ACAP3: variants seen among roughly 807,000 people sequenced by gnomAD.
ACAP3 encodes the protein arf-GAP with coiled-coil, ANK repeat and PH domain-containing protein 3.
In ACAP3, 56 loss-of-function variants were observed where a neutral mutation model predicts 104.1. The ratio of observed to expected loss-of-function variants is 0.54; its 90% confidence interval spans 0.43 to 0.67. ACAP3 has a LOEUF of 0.67. Ranked by LOEUF, ACAP3 falls within the 30% of genes least tolerant of loss-of-function variation. ACAP3 has a pLI of 0.00. For synonymous variants in ACAP3, 628 were observed against 496.2 expected, an observed-to-expected ratio of 1.27 and a Z score of -3.53; for missense variants, 1,208 against 1,174.9, an observed-to-expected ratio of 1.03 and a Z score of -0.41.
chr1:1,304,804 T>A (rs1360557895), intron 1 of ACAP3: 1 of 152,422 alleles, frequency 6.6e-6, no homozygotes, highest in East Asian at 1.9e-4. Flanking sequence ...AGGCATGACA[T>A]CACCAGAGAA....
Position 1,297,940 on chromosome 1 carries a change from G to T in ACAP3, c.1017-7C>A, listed in dbSNP as rs1641265248. On this transcript the variant is annotated splice_region_variant and splice_polypyrimidine_tract_variant and intron_variant, in intron 13 of 23. Coordinates refer to ENST00000354700, the MANE Select transcript of ACAP3 (RefSeq NM_030649.3). The stretch of plus-strand genomic sequence containing the variant: ...AGCCTGCAGCATGCAGCTCCTGCAG[G>T]CAGTGGAGGGGCGGGCGTCAGCTCC... The T allele has an allele frequency of 6.2e-7, 1 of 1,611,606 alleles. No individual in the cohort carries two copies. Among genetic ancestry groups the T allele is most frequent in the Non-Finnish European group, 8.5e-7 (1 of 1,179,282 alleles).
chr1:1,298,595 C>T lies in ACAP3; in HGVS notation c.835G>A (p.Ala279Thr), dbSNP rs754841658. ...VVMEGYLFKR[A>T]SNAFKTWNRR... ...TTCCATGTCTTGAAAGCGTTGCTGG[C>T]CCTCTTGAAGAGGTAGCCCTCCATC... The change falls in exon 11 of 24, where the codon GCC (alanine) becomes ACC (threonine). Residue 279 changes from alanine to threonine, a missense_variant. By Grantham distance (58) the Ala-to-Thr change is moderately conservative. Coordinates refer to ENST00000354700, the MANE Select transcript of ACAP3 (RefSeq NM_030649.3). 10 of 1,602,294 alleles carry T rather than the reference C, an allele frequency of 6.2e-6. No homozygotes were observed. Among genetic ancestry groups the T allele is most frequent in the South Asian group, 2.2e-5 (2 of 90,816 alleles).
At chr1:1,295,596 G>A in intron 18 of ACAP3, 42 bp from the exon 19 acceptor site, 2 of 1,595,544 alleles carry the variant, frequency 1.3e-6, no homozygotes, top group Non-Finnish European at 1.7e-6. Context: ...ACAGGCCCGG[G>A]GTGGGGCAGG....
intron 9 of ACAP3, 66 bp from the exon 10 acceptor site, chr1:1,299,422 T>G: frequency 6.8e-7 from 1 of 1,465,464 alleles, no homozygotes; most frequent in Non-Finnish European, 9.1e-7. Context: ...CAACTCCTGG[T>G]GACTGGTGGA....
intron 4 of ACAP3, among the ~76,000 whole-genome samples, chr1:1,302,301 C>G (rs1039186349): frequency 6.6e-6 from 1 of 151,912 alleles, no homozygotes; most frequent in Admixed American, 6.5e-5. Flanking sequence ...GCTGCCTCAT[C>G]ACAGCCTGAG....
chr1:1,304,209 C>G, intron 1 of ACAP3, 66 bp from the exon 2 acceptor site: 1 of 1,536,550 alleles, frequency 6.5e-7, no homozygotes, highest in Non-Finnish European at 8.8e-7. Flanking sequence ...TTCACCTCCC[C>G]CCGCACCTCC....
At position 1,296,094 on chromosome 1, in the gene ACAP3, C is replaced by T; in HGVS notation, c.1423G>A (p.Gly475Arg). Residue 475 changes from glycine to arginine, a missense_variant, in exon 17 of 24, where the codon GGA (glycine) becomes AGA (arginine). By Grantham distance (125) the Gly-to-Arg change is moderately radical. Coordinates refer to ENST00000354700, the MANE Select transcript of ACAP3 (RefSeq NM_030649.3). Reference sequence around the variant, plus strand: ...TAGATCTGATTCACAGCGCTGTTTCCAAGCTCACACATCAGCTAGCGGGAG... The same window carrying T: ...TAGATCTGATTCACAGCGCTGTTTCTAAGCTCACACATCAGCTAGCGGGAG... ...PELLKLMCEL[G>R]NSAVNQIYEA... is the part of the protein sequence containing the mutation. 1 of 1,612,792 alleles carries T rather than the reference C, an allele frequency of 6.2e-7. No individual in the cohort carries two copies. Among genetic ancestry groups the T allele is most frequent in the Non-Finnish European group, 8.5e-7 (1 of 1,179,966 alleles).
chr1:1,303,234 G>C lies in ACAP3; in HGVS notation c.153C>G (p.Val51=), dbSNP rs749694950. Residue 51 remains valine, a synonymous_variant, in exon 3 of 24, where the codon GTC becomes GTG. Transcript: ENST00000354700. The surrounding 1 kb of genome is among the most constrained non-coding windows in gnomAD (Gnocchi z 4.0). ...CGCTCACGAAAAGCCTGCTGGTGCT[G>C]ACGTAGGCCTTACCGGCTTCCACCA... The part of the protein sequence containing the change: ...SGMVEAGKAY[V]STSRLFVSGV... 1.2e-6 allele frequency: 2 copies of C among 1,605,938 alleles called. No homozygotes were observed. The highest frequency in any genetic ancestry group is 4.5e-5 in the East Asian group (2 of 44,574).
rs928271197 is a variant in ACAP3, at chr1:1,303,376, T to G, written c.106-95A>C. On this transcript the variant is annotated intron_variant, in intron 2 of 23. Transcript: ENST00000354700. The surrounding 1 kb of genome is among the most constrained non-coding windows in gnomAD (Gnocchi z 4.0). ...TCAGAGGCAGGAAGAGCTCCCAGGG[T>G]AGGTTCCACTCAGGGCGTTGGCACT... 50 of 1,497,462 alleles carry G rather than the reference T, an allele frequency of 3.3e-5. No homozygotes were observed. Among genetic ancestry groups the G allele is most frequent in the South Asian group, 8.8e-5 (7 of 79,188 alleles). 92.8% of individuals were successfully genotyped at this position (1,497,462 alleles called of 1,614,324 possible).
In ACAP3 at chr1:1,302,130, C is replaced by T; in HGVS notation, c.280-84G>A. On this transcript the variant is annotated intron_variant, in intron 4 of 23. Coordinates refer to ENST00000354700, the MANE Select transcript of ACAP3 (RefSeq NM_030649.3). Reference sequence around the variant, plus strand: ...AGGCCCCATCCTCACCAGCAGAGGGCACTGCCCCCAGGCCCAGATGCAGGG... The same window carrying T: ...AGGCCCCATCCTCACCAGCAGAGGGTACTGCCCCCAGGCCCAGATGCAGGG... 4 of 1,237,894 alleles carry T rather than the reference C, an allele frequency of 3.2e-6. No homozygotes were observed. In the South Asian group the frequency reaches 6.7e-5, roughly 21 times the overall value. 76.7% of individuals were successfully genotyped at this position (1,237,894 alleles called of 1,614,324 possible).
chr1:1,298,143 C>A, intron 12 of ACAP3, 30 bp from the exon 13 acceptor site: 1 of 1,585,346 alleles, frequency 6.3e-7, no homozygotes, highest in East Asian at 2.3e-5. Flanking sequence ...GGCCCCTGCC[C>A]TCAGCCACCA....
chr1:1,296,573 C>G lies in ACAP3; in HGVS notation c.1189G>C (p.Glu397Gln). 6.5e-7 allele frequency: 1 copy of G among 1,539,790 alleles called. No homozygotes were observed. The highest frequency in any genetic ancestry group is 8.7e-7 in the Non-Finnish European group (1 of 1,146,670). ...SSIDSATDTR[E>Q]RGVKGESVLQ... The stretch of plus-strand genomic sequence containing the variant: ...ACACTCTCGCCCTTCACGCCACGCT[C>G]CCGAGTGTCGGTGGCGGAGTCGATG... The change falls in exon 15 of 24, where the codon GAG becomes CAG. Residue 397 changes from glutamate to glutamine, a missense_variant. Physicochemically the swap from Glu to Gln is conservative, Grantham distance 29 (BLOSUM62 2). Transcript: ENST00000354700.
intron 1 of ACAP3, among the ~76,000 whole-genome samples, 156 bp downstream of exon 1, chr1:1,307,613 G>C (rs1454555831): frequency 3.9e-5 from 6 of 152,020 alleles, no homozygotes; most frequent in African/African-American, 1.4e-4. Flanking sequence ...GGGGCATGGC[G>C]GGGCGGGGCC....
At chr1:1,304,172 C>T (rs1160264580) in intron 1 of ACAP3, 29 bp from the exon 2 acceptor site, 1 of 1,550,182 alleles carries the variant, frequency 6.5e-7, no homozygotes, top group South Asian at 1.2e-5. Context: ...TGGCTGGGGT[C>T]ACCTGCAGCC....
chr1:1,305,556 G>A (rs1474490623), intron 1 of ACAP3: 2 of 152,172 alleles, frequency 1.3e-5, no homozygotes, highest in Non-Finnish European at 2.9e-5. Context: ...AGGAGCTCAC[G>A]GACGTGCTCA....
At chr1:1,302,805 C>G (rs865947099) in intron 4 of ACAP3, 117 bp downstream of exon 4, 19 of 330,576 alleles carry the variant, frequency 5.7e-5, no homozygotes, top group East Asian at 2.2e-4. Context: ...TCCCCCCCCC[C>G]CCGACTAGAG....
intron 14 of ACAP3, among the ~76,000 whole-genome samples, chr1:1,296,943 A>G (rs1054471244): frequency 6.6e-6 from 1 of 152,198 alleles, no homozygotes; most frequent in African/African-American, 2.4e-5. Context: ...ACGCGCGTGT[A>G]TACGTGCACA....
At position 1,303,991 on chromosome 1, in the gene ACAP3, G is replaced by T; in HGVS notation, c.105+95C>A. The T allele has an allele frequency of 1.4e-6, 2 of 1,417,136 alleles. No homozygotes were observed. The highest frequency in any genetic ancestry group is 1.2e-5 in the South Asian group (1 of 80,486). The allele number at this position is 1,417,136 out of a possible 1,614,324, so 87.8% of individuals were successfully genotyped here. A position where few individuals can be genotyped will look rare whatever the true frequency, so the allele number is the denominator to read the frequency against. ...CCACACGCATGCTCCACATATGGGG[G>T]GTGTAAGTGGCTTAGTAAGGCCTGG... On this transcript the variant is annotated intron_variant, in intron 2 of 23. Coordinates refer to ENST00000354700, the MANE Select transcript of ACAP3 (RefSeq NM_030649.3). This position sits in a 1 kb window ranked among gnomAD's most constrained non-coding sequence, Gnocchi z 4.0.
rs1268973985 is a variant in ACAP3, at chr1:1,298,596, C to T, written c.834G>A (p.Arg278=). The change falls in exon 11 of 24, where the codon AGG becomes AGA. Residue 278 remains arginine, a synonymous_variant. Transcript: ENST00000354700. ...GVVMEGYLFK[R]ASNAFKTWNR... ...TCCATGTCTTGAAAGCGTTGCTGGC[C>T]CTCTTGAAGAGGTAGCCCTCCATCA... is the stretch of plus-strand genomic sequence containing the variant. 1.9e-6 allele frequency: 3 copies of T among 1,611,704 alleles called. No individual in the cohort carries two copies. The highest frequency in any genetic ancestry group is 1.7e-5 in the Admixed American group (1 of 59,924).
Sources: gnomAD v4.1 joint callset for allele counts (sites outside exome capture counted in the v4.1 genomes callset) on GRCh38, gnomAD v4.1.1 for gene constraint, Gnocchi (gnomAD v3.1) non-coding constraint, MANE v1.5 for transcripts, NCBI Gene and HGNC (gene_info 2026-07-23, HGNC 2026-07-21) for gene names.